TTLL4: variants seen among roughly 807,000 people sequenced by gnomAD.
TTLL4 encodes the protein tubulin tyrosine ligase like 4, also known as tubulin monoglutamylase TTLL4.
TTLL4 carries 85 observed loss-of-function variants against 122.7 expected under a neutral mutation model. The ratio of observed to expected loss-of-function variants is 0.69; its 90% confidence interval spans 0.58 to 0.83. TTLL4 has a LOEUF of 0.83. TTLL4 is among the 40% of genes least tolerant of loss of function. The pLI is 0.00. For synonymous variants in TTLL4, 553 were observed against 563.0 expected (o/e 0.98, Z 0.25); for missense variants, 1,363 against 1,488.6 (o/e 0.92, Z 1.39).
At chr2:218,756,727 T>C (rs978308417), downstream of TTLL4, among the ~76,000 whole-genome samples, 4 of 152,310 alleles carry the variant, frequency 2.6e-5, no homozygotes, top group East Asian at 7.7e-4. Context: ...TCAGTTGTTT[T>C]CCTAAGTTGA....
intron 1 of TTLL4, among the ~76,000 whole-genome samples, chr2:218,720,953 A>G (rs921423069): frequency 6.6e-6 from 1 of 152,156 alleles, no homozygotes; most frequent in Non-Finnish European, 1.5e-5. Context: ...TGATTTATTC[A>G]GTCATGCCTA....
At chr2:218,733,724 G>A (rs990560534) in intron 2 of TTLL4, among the ~76,000 whole-genome samples, 1 of 152,216 alleles carries the variant, frequency 6.6e-6, no homozygotes, top group Non-Finnish European at 1.5e-5. Context: ...AGCTTCTGAG[G>A]AGGGTAGGCA....
intron 2 of TTLL4, among the ~76,000 whole-genome samples, chr2:218,729,749 AAAAAAAAAAAAAAC>A (rs1191626618): frequency 5.5e-5 from 4 of 72,582 alleles, no homozygotes; most frequent in South Asian, 3.3e-4. Flanking sequence ...CTCTCTTTTT[AAAAAAAAAAAAAAC>A]AAAAAAAAAA....
intron 13 of TTLL4, 50 bp from the exon 14 acceptor site, chr2:218,749,203 G>A: frequency 6.2e-7 from 1 of 1,607,008 alleles, no homozygotes; most frequent in South Asian, 1.1e-5. Flanking sequence ...GCTCTGAGTA[G>A]AGCCCTCTGG....
At chr2:218,731,616 G>A (rs1027789091) in intron 2 of TTLL4, among the ~76,000 whole-genome samples, 2 of 152,164 alleles carry the variant, frequency 1.3e-5, no homozygotes, top group African/African-American at 2.4e-5. Context: ...TAACTACCTT[G>A]CTGCAAACGT....
intron 1 of TTLL4, among the ~76,000 whole-genome samples, chr2:218,718,144 T>C (rs1941922752): frequency 6.6e-6 from 1 of 152,192 alleles, no homozygotes; most frequent in Non-Finnish European, 1.5e-5. Flanking sequence ...TTGTGGACTG[T>C]AGACTGAACC....
chr2:218,750,014 A>G lies in TTLL4; in HGVS notation c.2741A>G (p.His914Arg), dbSNP rs148745444. 980 of 1,613,720 alleles carry G rather than the reference A, an allele frequency of 6.1e-4. 1 individual carries two copies. Among genetic ancestry groups the G allele is most frequent in the Non-Finnish European group, 7.8e-4 (924 of 1,179,904 alleles). ...VLEVNISPSL[H>R]SSSPLDISIK... ...TTTTTATCCTTTTTCTGAAGCCTCC[A>G]CTCCAGCTCTCCACTGGATATCAGC... Residue 914 changes from histidine (H) to arginine (R), a missense_variant, in exon 15 of 20, where the codon CAC becomes CGC. Physicochemically the swap from His to Arg is conservative, Grantham distance 29. Around this residue, in one of 3 missense-constraint regions of TTLL4, gnomAD observed 596 missense variants for 655.8 expected, o/e 0.91. Coordinates refer to ENST00000392102, the MANE Select transcript of TTLL4 (RefSeq NM_014640.5).
intron 2 of TTLL4, among the ~76,000 whole-genome samples, chr2:218,736,803 A>C (rs1559365425): frequency 6.6e-6 from 1 of 151,392 alleles, no homozygotes; most frequent in Non-Finnish European, 1.5e-5. Context: ...GAGGCAGCTG[A>C]GTTGATTTAG....
chr2:218,721,316 G>A (rs976317799), intron 1 of TTLL4, among the ~76,000 whole-genome samples: 6 of 152,130 alleles, frequency 3.9e-5, no homozygotes, highest in African/African-American at 1.4e-4. Context: ...GGGCTCAAGC[G>A]ATTCGCCCCA....
intron 2 of TTLL4, among the ~76,000 whole-genome samples, chr2:218,732,943 T>C (rs1942420706): frequency 6.6e-6 from 1 of 152,218 alleles, no homozygotes; most frequent in Non-Finnish European, 1.5e-5. Context: ...AGCATTTGTA[T>C]GTGATACTGT....
chr2:218,733,519 G>T (rs1005276191), intron 2 of TTLL4, among the ~76,000 whole-genome samples: 7 of 152,202 alleles, frequency 4.6e-5, no homozygotes, highest in African/African-American at 1.7e-4. Context: ...CAACATTGGG[G>T]ATTACAACTC....
In TTLL4 at chr2:218,727,289, C is replaced by G. The variant is rs1575163936; in HGVS notation, c.-157C>G. Reference sequence around the variant, plus strand: ...TTCAGATAGACTGTCTTCAAGCTCACTGATATTTTCCTCTGCTTGATCCAT... The same window carrying G: ...TTCAGATAGACTGTCTTCAAGCTCAGTGATATTTTCCTCTGCTTGATCCAT... On this transcript the variant is annotated 5_prime_UTR_variant, in exon 2 of 20. Transcript: ENST00000392102. 1 of 152,174 alleles carries G rather than the reference C, an allele frequency of 6.6e-6. No individual in the cohort carries two copies. Among genetic ancestry groups the G allele is most frequent in the African/African-American group, 2.4e-5 (1 of 41,426 alleles). 9.4% of individuals were successfully genotyped at this position (152,174 alleles called of 1,614,324 possible). A position where few individuals can be genotyped will look rare whatever the true frequency, so the allele number is the denominator to read the frequency against.
intron 15 of TTLL4, among the ~76,000 whole-genome samples, chr2:218,751,155 CTCATGTTTGGCTCTG>C (rs67527046): frequency 0.43 from 65,548 of 151,706 alleles, 14,533 homozygotes; most frequent in Non-Finnish European, 0.47. Flanking sequence ...ACCCTGTAGA[CTCATGTTTGGCTCTG>C]TCCAGTGGTT....
intron 15 of TTLL4, among the ~76,000 whole-genome samples, chr2:218,751,368 G>A (rs1358302120): frequency 6.6e-6 from 1 of 152,168 alleles, no homozygotes; most frequent in Admixed American, 6.6e-5. Flanking sequence ...GGGTCACACA[G>A]CCAGTAGGGC....
At position 218,746,163 on chromosome 2, in the gene TTLL4, G is replaced by A. The variant is rs938071139; in HGVS notation, c.1906G>A (p.Asp636Asn). The A allele has an allele frequency of 1.2e-6, 2 of 1,614,076 alleles. No homozygotes were observed. The highest frequency in any genetic ancestry group is 1.7e-6 in the Non-Finnish European group (2 of 1,180,050). The change falls in exon 8 of 20, where the codon GAC becomes AAC. Residue 636 changes from aspartate to asparagine, a missense_variant. Around this residue, in one of 3 missense-constraint regions of TTLL4, gnomAD observed 760 missense variants for 808.4 expected, o/e 0.94. Transcript: ENST00000392102. ...TGATGTACCTCCCATAGGAAACGAT[G>A]ACTGGCTGGGCTGCTGGGGTCACCA... Reference protein sequence around the residue: ...SHFKISKRNDDWLGCWGHHMK... With the variant: ...SHFKISKRNDNWLGCWGHHMK...
At chr2:218,748,320 A>G (rs1942905516) in intron 12 of TTLL4, 93 bp downstream of exon 12, 1 of 1,534,352 alleles carries the variant, frequency 6.5e-7, no homozygotes, top group African/African-American at 1.4e-5. Context: ...CGAGTGGAGG[A>G]TTAATATAAG....
chr2:218,752,457 C>T (rs1575185127), intron 16 of TTLL4, among the ~76,000 whole-genome samples: 2 of 152,248 alleles, frequency 1.3e-5, no homozygotes, highest in South Asian at 2.1e-4. Context: ...ATGGCAGATA[C>T]AAGACTGGTG....
intron 5 of TTLL4, among the ~76,000 whole-genome samples, chr2:218,740,800 G>A (rs551545385): frequency 5.3e-5 from 8 of 152,272 alleles, no homozygotes; most frequent in Admixed American, 3.9e-4. Context: ...TGGGCCAGGC[G>A]CAGTGGCTCA....
At chr2:218,759,358 TG>T (rs1161629806), downstream of TTLL4, among the ~76,000 whole-genome samples, 2 of 152,202 alleles carry the variant, frequency 1.3e-5, no homozygotes, top group African/African-American at 2.4e-5. Flanking sequence ...GAGACCAGCC[TG>T]GGCCAACACA....
Sources: gnomAD v4.1 joint callset for allele counts (sites outside exome capture counted in the v4.1 genomes callset) on GRCh38, gnomAD v4.1.1 for gene constraint, gnomAD v4.1.1 regional missense constraint, MANE v1.5 for transcripts, NCBI Gene and HGNC (gene_info 2026-07-23, HGNC 2026-07-21) for gene names.